Variants in DNAAF5 observed in about 807,000 individuals in gnomAD.
DNAAF5 encodes dynein axonemal assembly factor 5, also known as HEAT repeat containing 2.
DNAAF5 carries 64 observed loss-of-function variants against 75.8 expected under a neutral mutation model. The observed-to-expected ratio is 0.84, with a 90% confidence interval of 0.69 to 1.04. The LOEUF is 1.04. Among genes scored for constraint, DNAAF5 ranks in the 50% least tolerant of loss-of-function variants. DNAAF5 has a pLI of 0.00. For missense variants in DNAAF5, 1,269 were observed against 1,178.5 expected (o/e 1.08, Z -1.12); for synonymous variants, 657 against 557.2 (o/e 1.18, Z -2.52).
rs1024248976 is a variant in DNAAF5 at position 774,145 on chromosome 7, G to A, written c.2029G>A (p.Ala677Thr). 1 of 1,612,362 alleles carries A rather than the reference G, an allele frequency of 6.2e-7. No individual in the cohort carries two copies. The highest frequency in any genetic ancestry group is 1.7e-5 in the Admixed American group (1 of 60,020). The change falls in exon 10 of 13, where the codon GCC (alanine) becomes ACC (threonine). Residue 677 changes from alanine to threonine, a missense_variant. By Grantham distance (58) the Ala-to-Thr change is moderately conservative (BLOSUM62 0). Transcript: ENST00000297440. ...GACAGCCGCGGCCATCCGCACGGCTGCCGTGTCCTGCCTCTGGGCGCTCAC... is the reference window on the plus strand; with the variant it reads ...GACAGCCGCGGCCATCCGCACGGCTACCGTGTCCTGCCTCTGGGCGCTCAC... ...GRTAAAIRTA[A>T]VSCLWALTSS...
Position 742,254 on chromosome 7 carries a change from G to A in DNAAF5, c.1024+789G>A, listed in dbSNP as rs542990720. ...CTTCTTAAAAGTAAATAATAGATAC[G>A]CACTGACGAGGACAAAAAGTAGGTG... is the stretch of plus-strand genomic sequence containing the variant. On this transcript the variant is annotated intron_variant, in intron 4 of 12. Coordinates refer to ENST00000297440, the MANE Select transcript of DNAAF5 (RefSeq NM_017802.4). 3.9e-5 allele frequency among the ~76,000 whole-genome samples: 6 copies of A among 152,318 alleles called. No homozygotes were observed. In the South Asian group the frequency reaches 6.2e-4, roughly 16 times the overall value.
At chr7:777,905 A>G (rs1778815740) in intron 11 of DNAAF5, among the ~76,000 whole-genome samples, 1 of 152,100 alleles carries the variant, frequency 6.6e-6, no homozygotes, top group South Asian at 2.1e-4. Context: ...AGGACACGGG[A>G]TGGAGAGAGG....
At chr7:757,890 G>A (rs1583499504) in intron 6 of DNAAF5, among the ~76,000 whole-genome samples, 1 of 152,252 alleles carries the variant, frequency 6.6e-6, no homozygotes, top group African/African-American at 2.4e-5. Context: ...CCTGGGGCAC[G>A]GGGACTTGCC....
Position 726,970 on chromosome 7 carries a change from T to C in DNAAF5, c.250T>C (p.Cys84Arg). 7.6e-7 allele frequency: 1 copy of C among 1,308,870 alleles called. No individual in the cohort carries two copies. The highest frequency in any genetic ancestry group is 9.8e-7 in the Non-Finnish European group (1 of 1,024,388). The allele number at this position is 1,308,870 out of a possible 1,614,324, so 81.1% of individuals were successfully genotyped here. A position where few individuals can be genotyped will look rare whatever the true frequency, so the allele number is the denominator to read the frequency against. Reference sequence around the variant, plus strand: ...CCTACTGCTGCCGCGCTTGCTGCGCTGCCTGAGCGACCCCGCCGAGGGCTG... The same window carrying C: ...CCTACTGCTGCCGCGCTTGCTGCGCCGCCTGAGCGACCCCGCCGAGGGCTG... ...ARLLLPRLLR[C>R]LSDPAEGCRA... The change falls in exon 1 of 13, where the codon TGC becomes CGC. Residue 84 changes from cysteine to arginine, a missense_variant. Transcript: ENST00000297440.
In DNAAF5 at chr7:785,597, G is replaced by T. The variant is rs368319331; in HGVS notation, c.2512G>T (p.Ala838Ser). 1.9e-6 allele frequency: 3 copies of T among 1,613,102 alleles called. No individual in the cohort carries two copies. The highest frequency in any genetic ancestry group is 2.5e-6 in the Non-Finnish European group (3 of 1,180,026). The change falls in exon 13 of 13, where the codon GCC becomes TCC. Residue 838 changes from alanine (A) to serine (S), a missense_variant. By Grantham distance (99) the Ala-to-Ser change is moderately conservative. Transcript: ENST00000297440. ...TEAVIHKHRSATYCEQLLQHV... is the reference protein window; with the variant it reads ...TEAVIHKHRSSTYCEQLLQHV... ...GGCCGTCATCCACAAGCACCGCTCG[G>T]CCACCTACTGCGAGCAGCTCCTGCA...
chr7:763,403 ACCTG>A (rs1782726067), intron 7 of DNAAF5, among the ~76,000 whole-genome samples: 1 of 152,156 alleles, frequency 6.6e-6, no homozygotes, highest in African/African-American at 2.4e-5. Context: ...AGTTACTTTT[ACCTG>A]GAGGTCTGGT....
intron 1 of DNAAF5, 82 bp from the exon 2 acceptor site, chr7:729,581 G>A: frequency 7.3e-7 from 1 of 1,367,642 alleles, no homozygotes; most frequent in Admixed American, 2.1e-5. Context: ...TCATAGGCAG[G>A]CAGCCGTCCT....
chr7:734,962 T>G (rs1378827914), intron 2 of DNAAF5, among the ~76,000 whole-genome samples: 2 of 151,972 alleles, frequency 1.3e-5, no homozygotes, highest in Non-Finnish European at 1.5e-5. Context: ...AGTGTTGTTC[T>G]TCATGGTATA....
Position 744,186 on chromosome 7 carries a change from G to A in DNAAF5, c.1024+2721G>A, listed in dbSNP as rs376354153. ...TTCCCACCTATGAGTGAGAATATGC[G>A]GCGTTTGGTTTTTTGTTCTTGCGAT... On this transcript the variant is annotated intron_variant, in intron 4 of 12. Transcript: ENST00000297440. Among the ~76,000 whole-genome samples, 73 of 152,154 alleles carry A rather than the reference G, an allele frequency of 4.8e-4. 2 individuals carry two copies. In the East Asian group the frequency reaches 0.01, roughly 21 times the overall value.
chr7:763,881 G>C lies in DNAAF5; in HGVS notation c.1690G>C (p.Gly564Arg), dbSNP rs950862693. ...CCAGGACCTCTACCGCAAGCACATTGGTCCCCTCCTGGAGCGGGTGACCGC... is the reference window on the plus strand; with the variant it reads ...CCAGGACCTCTACCGCAAGCACATTCGTCCCCTCCTGGAGCGGGTGACCGC... ...SCQDLYRKHI[G>R]PLLERVTASH... The change falls in exon 8 of 13, where the codon GGT becomes CGT. Residue 564 changes from glycine (G) to arginine (R), a missense_variant. Physicochemically the swap from Gly to Arg is moderately radical, Grantham distance 125 (BLOSUM62 -2). Transcript: ENST00000297440. 3.1e-6 allele frequency: 5 copies of C among 1,613,276 alleles called. No individual in the cohort carries two copies. Among genetic ancestry groups the C allele is most frequent in the Admixed American group, 3.3e-5 (2 of 60,032 alleles).
At chr7:759,287 C>G (rs573834586) in intron 6 of DNAAF5, among the ~76,000 whole-genome samples, 1 of 152,288 alleles carries the variant, frequency 6.6e-6, no homozygotes, top group African/African-American at 2.4e-5. Flanking sequence ...CACTCCCTGC[C>G]CTGGGGTTCA....
chr7:746,920 G>A (rs530781834), intron 4 of DNAAF5, among the ~76,000 whole-genome samples: 5 of 152,318 alleles, frequency 3.3e-5, no homozygotes, highest in Admixed American at 2.6e-4. Flanking sequence ...GGCCGCTGGC[G>A]TCTGCTCTTT....
At chr7:760,304 G>A (rs972787203) in intron 6 of DNAAF5, among the ~76,000 whole-genome samples, 2 of 152,200 alleles carry the variant, frequency 1.3e-5, no homozygotes, top group Non-Finnish European at 2.9e-5. Flanking sequence ...CCAACCCATT[G>A]TCTAGCCAAA....
At position 729,613 on chromosome 7, in the gene DNAAF5, C is replaced by T. The variant is rs773923130; in HGVS notation, c.596-50C>T. 8.9e-6 allele frequency: 14 copies of T among 1,564,320 alleles called. No individual in the cohort carries two copies. In the African/African-American group the frequency reaches 9.5e-5, roughly 11 times the overall value. On this transcript the variant is annotated intron_variant, in intron 1 of 12. Coordinates refer to ENST00000297440, the MANE Select transcript of DNAAF5 (RefSeq NM_017802.4). ...TCCTCTGGAAGCCCACAGAGCTGGGCGAGGCGTGTGGGAGCAGCTCTGGTA... is the reference window on the plus strand; with the variant it reads ...TCCTCTGGAAGCCCACAGAGCTGGGTGAGGCGTGTGGGAGCAGCTCTGGTA...
intron 8 of DNAAF5, among the ~76,000 whole-genome samples, chr7:765,683 G>C (rs903021210): frequency 6.6e-6 from 1 of 152,126 alleles, no homozygotes; most frequent in African/African-American, 2.4e-5. Flanking sequence ...CAAGAGCTGG[G>C]TATAAAACTG....
intron 8 of DNAAF5, among the ~76,000 whole-genome samples, chr7:767,298 A>G (rs956711146): frequency 9.2e-5 from 5 of 54,520 alleles, no homozygotes; most frequent in Non-Finnish European, 2.1e-4. Flanking sequence ...ATTAAGTGAA[A>G]TAGCTGCTGC....
At chr7:751,993 G>A (rs1782312247) in intron 4 of DNAAF5, among the ~76,000 whole-genome samples, 1 of 152,170 alleles carries the variant, frequency 6.6e-6, no homozygotes, top group South Asian at 2.1e-4. Flanking sequence ...CGAAACACTG[G>A]GGAGGAGTGA....
intron 12 of DNAAF5, among the ~76,000 whole-genome samples, chr7:784,868 G>T (rs572135372): frequency 6.6e-6 from 1 of 152,312 alleles, no homozygotes; most frequent in South Asian, 2.1e-4. Context: ...GCCCACAACT[G>T]CCAGGAGGCG....
intron 6 of DNAAF5, among the ~76,000 whole-genome samples, chr7:758,108 C>T (rs551173479): frequency 1.3e-5 from 2 of 152,382 alleles, no homozygotes; most frequent in East Asian, 3.9e-4. Context: ...TTCAGCCATG[C>T]TTCAGCTTTT....
Sources: gnomAD v4.1 joint callset for allele counts (sites outside exome capture counted in the v4.1 genomes callset) on GRCh38, gnomAD v4.1.1 for gene constraint, MANE v1.5 for transcripts, NCBI Gene and HGNC (gene_info 2026-07-23, HGNC 2026-07-21) for gene names.